The following GNB5 variants were observed in gnomAD, a reference collection of about 807,000 sequenced individuals.
The protein encoded by GNB5 is guanine nucleotide-binding protein subunit beta-5.
In GNB5, 37 loss-of-function variants were observed where a neutral mutation model predicts 55.3. The observed-to-expected ratio is 0.67, with a 90% confidence interval of 0.51 to 0.88. The LOEUF (loss-of-function observed/expected upper bound fraction) is 0.88, where lower values mean the gene tolerates loss of function less well. Ranked by LOEUF, GNB5 falls within the 40% of genes least tolerant of loss-of-function variation. The probability of loss-of-function intolerance (pLI) is 0.00; values close to 1 mark genes in which losing one functional copy is unlikely to be tolerated. For synonymous variants in GNB5, 219 were observed against 198.5 expected, an observed-to-expected ratio of 1.10 and a Z score of -0.87; for missense variants, 476 against 515.3, an observed-to-expected ratio of 0.92 and a Z score of 0.74.
intron 1 of GNB5, among the ~76,000 whole-genome samples, chr15:52,187,675 G>T (rs1185509339): frequency 6.6e-6 from 1 of 152,206 alleles, no homozygotes; most frequent in South Asian, 2.1e-4. Flanking sequence ...AGGGCCAGGT[G>T]TGGTGGCTCA....
At chr15:52,157,858 C>T (rs1388988481) in intron 3 of GNB5, among the ~76,000 whole-genome samples, 2 of 151,104 alleles carry the variant, frequency 1.3e-5, no homozygotes, top group South Asian at 2.1e-4. Flanking sequence ...TTTGCATCCA[C>T]TGAATTAAAA....
At position 52,153,951 on chromosome 15, in the gene GNB5, T is replaced by C. The variant is rs1156750798; in HGVS notation, c.364A>G (p.Ser122Gly). The C allele has an allele frequency of 6.2e-7, 1 of 1,613,032 alleles. No individual in the cohort carries two copies. Reference sequence around the variant, plus strand: ...CAGGTGTGACATACCTGTGACGAGCTCACGATCCTCCTCTTATCTTTGCAC... The same window carrying C: ...CAGGTGTGACATACCTGTGACGAGCCCACGATCCTCCTCTTATCTTTGCAC... ...DWCKDKRRIV[S>G]SSQDGKVIVW... Residue 122 changes from serine to glycine, a missense_variant, in exon 4 of 13, where the codon AGC becomes GGC. Transcript: ENST00000261837.
intron 3 of GNB5, among the ~76,000 whole-genome samples, chr15:52,160,402 T>C (rs1359301514): frequency 1.3e-5 from 2 of 151,730 alleles, no homozygotes; most frequent in Non-Finnish European, 2.9e-5. Flanking sequence ...AAATCTAGAG[T>C]TGGTGTACTA....
intron 1 of GNB5, among the ~76,000 whole-genome samples, chr15:52,186,831 G>A (rs1044783875): frequency 6.6e-6 from 1 of 152,180 alleles, no homozygotes; most frequent in Non-Finnish European, 1.5e-5. Context: ...GGGGGCTCAT[G>A]AGTTGGGCTG....
At chr15:52,150,025 T>C in intron 4 of GNB5, 100 bp from the exon 5 acceptor site, 1 of 877,714 alleles carries the variant, frequency 1.1e-6, no homozygotes, top group Middle Eastern at 2.3e-4. Context: ...CAGTGTGAAG[T>C]AGAAAGCCAG....
rs2033164287 is a variant in GNB5, at chr15:52,117,112, A to ATATATAT, written c.*5644_*5645insATATATA. On this transcript the variant is annotated 3_prime_UTR_variant, in exon 13 of 13. Coordinates refer to ENST00000261837, the MANE Select transcript of GNB5 (RefSeq NM_016194.4). Reference sequence around the variant, plus strand: ...CTAATATATATATATATTTTTTTTTAGTACAGACAGGGTTTCACCGTGTTA... The same window carrying ATATATAT: ...CTAATATATATATATATTTTTTTTTATATATATGTACAGACAGGGTTTCACCGTGTTA... 1 of 91,796 alleles carries ATATATAT rather than the reference A, an allele frequency of 1.1e-5. No homozygotes were observed. The highest frequency in any genetic ancestry group is 9.5e-5 in the Admixed American group (1 of 10,580). The allele number at this position is 91,796 out of a possible 1,614,324, so 5.7% of individuals were successfully genotyped here. A position where few individuals can be genotyped will look rare whatever the true frequency, so the allele number is the denominator to read the frequency against.
At chr15:52,128,476 T>C (rs1459337796) in intron 9 of GNB5, 4 of 616,594 alleles carry the variant, frequency 6.5e-6, no homozygotes, top group Non-Finnish European at 1.2e-5. Context: ...TGTGTTGATA[T>C]CAGGCACAGA....
intron 7 of GNB5, chr15:52,137,339 A>G (rs2033747812): frequency 1.9e-6 from 2 of 1,059,466 alleles, no homozygotes; most frequent in South Asian, 6.0e-5. Context: ...GTGATATCTG[A>G]GTTGGTCTTC....
At chr15:52,140,074 T>C (rs991322723) in intron 7 of GNB5, 2 of 709,888 alleles carry the variant, frequency 2.8e-6, no homozygotes, top group African/African-American at 3.8e-5. Context: ...ATAATAGGTG[T>C]AAACAACAGG....
intron 7 of GNB5, among the ~76,000 whole-genome samples, chr15:52,136,730 C>T (rs1365373150): frequency 1.3e-5 from 2 of 152,164 alleles, no homozygotes; most frequent in Admixed American, 1.3e-4. Context: ...AGGCACTCTG[C>T]TAATGCATGA....
chr15:52,184,988 T>C (rs1031868413), intron 1 of GNB5, among the ~76,000 whole-genome samples: 1 of 152,220 alleles, frequency 6.6e-6, no homozygotes, highest in African/African-American at 2.4e-5. Flanking sequence ...ACAATATCAA[T>C]TCTGTGGGGT....
chr15:52,154,598 A>C (rs2034169292), intron 3 of GNB5, among the ~76,000 whole-genome samples: 1 of 152,148 alleles, frequency 6.6e-6, no homozygotes, highest in South Asian at 2.1e-4. Flanking sequence ...TGACTTTACA[A>C]AACTGTTCCA....
chr15:52,174,470 T>C (rs2034611155), intron 3 of GNB5, among the ~76,000 whole-genome samples: 1 of 151,686 alleles, frequency 6.6e-6, no homozygotes, highest in Non-Finnish European at 1.5e-5. Flanking sequence ...AAGGGGAAAA[T>C]GGGGCTTGGG....
At position 52,141,374 on chromosome 15, in the gene GNB5, T is replaced by C. The variant is rs946767111; in HGVS notation, c.495-102A>G. 10 of 918,858 alleles carry C rather than the reference T, an allele frequency of 1.1e-5. No individual in the cohort carries two copies. In the African/African-American group the frequency reaches 1.7e-4, roughly 15 times the overall value. 56.9% of individuals were successfully genotyped at this position (918,858 alleles called of 1,614,324 possible). A position where few individuals can be genotyped will look rare whatever the true frequency, so the allele number is the denominator to read the frequency against. ...CTTTTCAACATATTCTCTTTAGCAGTATCATATATTGTACCCTTTCCTCCA... is the reference window on the plus strand; with the variant it reads ...CTTTTCAACATATTCTCTTTAGCAGCATCATATATTGTACCCTTTCCTCCA... On this transcript the variant is annotated intron_variant, in intron 6 of 12. Transcript: ENST00000261837.
chr15:52,169,046 G>A (rs1046570676), intron 3 of GNB5, among the ~76,000 whole-genome samples: 7 of 152,180 alleles, frequency 4.6e-5, no homozygotes, highest in African/African-American at 1.7e-4. Context: ...ATACCAGGCC[G>A]GATGTGGGGG....
At chr15:52,136,029 C>T (rs886280739) in intron 7 of GNB5, among the ~76,000 whole-genome samples, 2 of 140,872 alleles carry the variant, frequency 1.4e-5, no homozygotes, top group African/African-American at 5.4e-5. Context: ...CGGGGGCAGT[C>T]AATCAGAGGC....
At position 52,135,714 on chromosome 15, in the gene GNB5, C is replaced by T. The variant is rs751496371; in HGVS notation, c.670G>A (p.Val224Met). The T allele has an allele frequency of 2.8e-5, 45 of 1,612,890 alleles. 1 individual carries two copies. Among genetic ancestry groups the T allele is most frequent in the Middle Eastern group, 1.8e-4 (1 of 5,614 alleles). ...CTCTGCAGCAGCTGCCCGCTCTCCACGTCCCACAGGGCACATGTGCCATCG... is the reference window on the plus strand; with the variant it reads ...CTCTGCAGCAGCTGCCCGCTCTCCATGTCCCACAGGGCACATGTGCCATCG... The part of the protein sequence containing the change: ...SGDGTCALWD[V>M]ESGQLLQSFH... The change falls in exon 8 of 13, where the codon GTG (valine) becomes ATG (methionine). Residue 224 changes from valine (V) to methionine (M), a missense_variant. By Grantham distance (21) the Val-to-Met change is conservative. Coordinates refer to ENST00000261837, the MANE Select transcript of GNB5 (RefSeq NM_016194.4).
intron 8 of GNB5, among the ~76,000 whole-genome samples, chr15:52,135,256 C>T (rs73402875): frequency 0.17 from 25,239 of 152,002 alleles, 2,195 homozygotes; most frequent in South Asian, 0.24. Flanking sequence ...CTCTCAGATG[C>T]TAACTCTCTG....
chr15:52,171,372 A>C (rs1229903238), intron 3 of GNB5, among the ~76,000 whole-genome samples: 2 of 152,226 alleles, frequency 1.3e-5, no homozygotes, highest in Non-Finnish European at 2.9e-5. Flanking sequence ...AACATAAGCT[A>C]TGAAATACAT....
Sources: gnomAD v4.1 joint callset for allele counts (sites outside exome capture counted in the v4.1 genomes callset) on GRCh38, gnomAD v4.1.1 for gene constraint, MANE v1.5 for transcripts, NCBI Gene and HGNC (gene_info 2026-07-23, HGNC 2026-07-21) for gene names.